Variants in HTRA3 observed in about 807,000 individuals in gnomAD.
The protein encoded by HTRA3 is serine protease HTRA3.
In HTRA3, 41 loss-of-function variants were observed where a neutral mutation model predicts 43.2. The observed-to-expected ratio is 0.95, with a 90% CI of 0.74 to 1.23. HTRA3 has a LOEUF of 1.23. Ranked by LOEUF, HTRA3 falls within the 50% of genes most tolerant of loss-of-function variation. The pLI is 0.00. For missense variants in HTRA3, 628 were observed against 647.1 expected (o/e 0.97, Z 0.32); for synonymous variants, 295 against 287.9 (o/e 1.02, Z -0.25).
Position 8,294,091 on chromosome 4 carries a change from G to C in HTRA3, c.941G>C (p.Gly314Ala). 1.2e-6 allele frequency: 2 copies of C among 1,607,448 alleles called. No individual in the cohort carries two copies. The highest frequency in any genetic ancestry group is 1.7e-6 in the Non-Finnish European group (2 of 1,176,656). The change falls in exon 6 of 9, where the codon GGC (glycine) becomes GCC (alanine). Residue 314 changes from glycine (G) to alanine (A), a missense_variant. By Grantham distance (60) the Gly-to-Ala change is moderately conservative. Coordinates refer to ENST00000307358, the MANE Select transcript of HTRA3 (RefSeq NM_053044.5). ...TGCTCTTACCTCCCTGCCCAGGATGGCGAGGTCATTGGCATCAACACGCTC... is the reference window on the plus strand; with the variant it reads ...TGCTCTTACCTCCCTGCCCAGGATGCCGAGGTCATTGGCATCAACACGCTC... ...NSGGPLVNLD[G>A]EVIGINTLKV... is the part of the protein sequence containing the mutation.
rs1314605311 is a variant in HTRA3 at position 8,291,533 on chromosome 4, T to C, written c.872T>C (p.Met291Thr). Reference protein sequence around the residue: ...GRELGLRDSDMDYIQTDAIIN... With the variant: ...GRELGLRDSDTDYIQTDAIIN... ...GAGCTGGGCCTCCGGGACTCCGACA[T>C]GGACTACATCCAGACGGATGCCATC... The change falls in exon 4 of 9, where the codon ATG becomes ACG. Residue 291 changes from methionine (M) to threonine (T), a missense_variant. Transcript: ENST00000307358. The C allele has an allele frequency of 6.2e-7, 1 of 1,609,248 alleles. No individual in the cohort carries two copies. The highest frequency in any genetic ancestry group is 8.5e-7 in the Non-Finnish European group (1 of 1,178,054).
rs948846519 is a variant in HTRA3, at chr4:8,283,686, G to A, written c.485+1150G>A. 1.4e-4 allele frequency among the ~76,000 whole-genome samples: 21 copies of A among 152,246 alleles called. 1 individual carries two copies. The highest frequency in any genetic ancestry group is 1.4e-3 in the Admixed American group (21 of 15,292). ...CCTCATTCCACCCTGATAGGGATCA[G>A]ACGGCGGGTCCAGGCGGACACGGAG... is the stretch of plus-strand genomic sequence containing the variant. On this transcript the variant is annotated intron_variant, in intron 2 of 8. Transcript: ENST00000307358.
In HTRA3 at chr4:8,270,284, G is replaced by T. The variant is rs1211356987; in HGVS notation, c.316G>T (p.Ala106Ser). 2.7e-6 allele frequency: 4 copies of T among 1,483,360 alleles called. No individual in the cohort carries two copies. In the South Asian group the frequency reaches 5.1e-5, roughly 19 times the overall value. The allele number at this position is 1,483,360 out of a possible 1,614,324, so 91.9% of individuals were successfully genotyped here. A position where few individuals can be genotyped will look rare whatever the true frequency, so the allele number is the denominator to read the frequency against. ...TGCCAACGTGTGCGCGCTGCAGGCGGCCAGCCGCCGCGCGCTGCAGCTCTC... is the reference window on the plus strand; with the variant it reads ...TGCCAACGTGTGCGCGCTGCAGGCGTCCAGCCGCCGCGCGCTGCAGCTCTC... ...TYANVCALQA[A>S]SRRALQLSGT... The change falls in exon 1 of 9, where the codon GCC becomes TCC. Residue 106 changes from alanine (A) to serine (S), a missense_variant. Transcript: ENST00000307358.
In HTRA3 at chr4:8,296,713, G is replaced by A. The variant is rs1713470354; in HGVS notation, c.1051+2512G>A. On this transcript the variant is annotated intron_variant, in intron 6 of 8. Transcript: ENST00000307358. This position sits in a 1 kb window ranked among gnomAD's most constrained non-coding sequence, Gnocchi z 5.3. Reference sequence around the variant, plus strand: ...GTGGGGTGTTTGATTCATGGAGTGGGGCCGTTTGTGGGCATCTGCCCCTCT... The same window carrying A: ...GTGGGGTGTTTGATTCATGGAGTGGAGCCGTTTGTGGGCATCTGCCCCTCT... Among the ~76,000 whole-genome samples the A allele has an allele frequency of 2.0e-5, 3 of 152,280 alleles. No individual in the cohort carries two copies. Among genetic ancestry groups the A allele is most frequent in the South Asian group, 2.1e-4 (1 of 4,824 alleles).
chr4:8,270,736 G>T (rs894793874), intron 1 of HTRA3, among the ~76,000 whole-genome samples: 1 of 152,196 alleles, frequency 6.6e-6, no homozygotes, highest in African/African-American at 2.4e-5. Flanking sequence ...TCCAGCCGGG[G>T]TGCCCTCTTG....
At chr4:8,303,521 A>G (rs1713733308) in intron 7 of HTRA3, among the ~76,000 whole-genome samples, 2 of 152,216 alleles carry the variant, frequency 1.3e-5, no homozygotes, top group African/African-American at 4.8e-5. Flanking sequence ...TCGGGAGCCT[A>G]GGAAGAACTC....
chr4:8,278,040 A>G (rs1461393121), intron 1 of HTRA3, among the ~76,000 whole-genome samples: 2 of 152,194 alleles, frequency 1.3e-5, no homozygotes, highest in Admixed American at 6.5e-5. Flanking sequence ...GGCCACTCTG[A>G]TATTTGTCAG....
intron 1 of HTRA3, among the ~76,000 whole-genome samples, chr4:8,271,719 G>A (rs573938549): frequency 1.3e-5 from 2 of 149,308 alleles, no homozygotes; most frequent in East Asian, 4.0e-4. Context: ...CGGCAGAAGT[G>A]CAGGCAGGGA....
At position 8,270,058 on chromosome 4, in the gene HTRA3, C is replaced by A; in HGVS notation, c.90C>A (p.Asp30Glu). Reference protein sequence around the residue: ...PPAAPCPARCDVSRCPSPRCP... With the variant: ...PPAAPCPARCEVSRCPSPRCP... ...CGGCGCCGTGTCCCGCGCGCTGCGA[C>A]GTGTCGCGGTGTCCCAGCCCCCGCT... Residue 30 changes from aspartate to glutamate, a missense_variant, in exon 1 of 9, where the codon GAC (aspartate) becomes GAA (glutamate). By Grantham distance (45) the Asp-to-Glu change is conservative. Transcript: ENST00000307358. 1 of 1,479,894 alleles carries A rather than the reference C, an allele frequency of 6.8e-7. No individual in the cohort carries two copies. The highest frequency in any genetic ancestry group is 8.9e-7 in the Non-Finnish European group (1 of 1,123,910). The allele number at this position is 1,479,894 out of a possible 1,614,324, so 91.7% of individuals were successfully genotyped here.
At chr4:8,300,955 C>G (rs1042000735) in intron 6 of HTRA3, among the ~76,000 whole-genome samples, 1 of 151,242 alleles carries the variant, frequency 6.6e-6, no homozygotes, top group African/African-American at 2.4e-5. Context: ...GATTCACACT[C>G]AGCTTTATTA....
rs773106009 is a variant in HTRA3, at chr4:8,286,674, C to T, written c.599C>T (p.Pro200Leu). ...GTGGTGTCCAGCAACAGTGCTGCCC[C>T]GGGCAGGCAGCAGCTCAAGGTGCAG... ...AHVVSSNSAAPGRQQLKVQLQ... is the reference protein window; with the variant it reads ...AHVVSSNSAALGRQQLKVQLQ... The change falls in exon 3 of 9, where the codon CCG (proline) becomes CTG (leucine). Residue 200 changes from proline (P) to leucine (L), a missense_variant. Coordinates refer to ENST00000307358, the MANE Select transcript of HTRA3 (RefSeq NM_053044.5). This position sits in a 1 kb window ranked among gnomAD's most constrained non-coding sequence, Gnocchi z 4.9. 2.4e-5 allele frequency: 39 copies of T among 1,613,684 alleles called. No individual in the cohort carries two copies. The highest frequency in any genetic ancestry group is 3.3e-4 in the Middle Eastern group (2 of 6,084).
chr4:8,271,242 C>T lies in HTRA3; in HGVS notation c.385+889C>T, dbSNP rs537881290. Among the ~76,000 whole-genome samples the T allele has an allele frequency of 6.0e-4, 92 of 152,236 alleles. 1 individual carries two copies. Among genetic ancestry groups the T allele is most frequent in the Admixed American group, 5.8e-3 (89 of 15,306 alleles). On this transcript the variant is annotated intron_variant, in intron 1 of 8. Transcript: ENST00000307358. Reference sequence around the variant, plus strand: ...GGGCTTCCTCATTTTTTCTGCGGTCCGCTGAACACAATTCCAAGTGTTTTC... The same window carrying T: ...GGGCTTCCTCATTTTTTCTGCGGTCTGCTGAACACAATTCCAAGTGTTTTC...
chr4:8,285,911 G>A (rs556926704), intron 2 of HTRA3, among the ~76,000 whole-genome samples: 41 of 152,278 alleles, frequency 2.7e-4, no homozygotes, highest in Non-Finnish European at 5.0e-4. Context: ...GAGGGTAGAG[G>A]GAGGTGGGAA....
In HTRA3 at chr4:8,295,839, T is replaced by G. The variant is rs940545939; in HGVS notation, c.1051+1638T>G. On this transcript the variant is annotated intron_variant, in intron 6 of 8. Coordinates refer to ENST00000307358, the MANE Select transcript of HTRA3 (RefSeq NM_053044.5). This position sits in a 1 kb window ranked among gnomAD's most constrained non-coding sequence, Gnocchi z 6.9. ...TCACATGAAGAGCTGCTGTTGAGGATGCCGCCATTGTTCTTCTGTGTCCAT... is the reference window on the plus strand; with the variant it reads ...TCACATGAAGAGCTGCTGTTGAGGAGGCCGCCATTGTTCTTCTGTGTCCAT... 4.2e-5 allele frequency: 52 copies of G among 1,238,750 alleles called. No homozygotes were observed. The highest frequency in any genetic ancestry group is 4.7e-5 in the Non-Finnish European group (47 of 990,282). 76.7% of individuals were successfully genotyped at this position (1,238,750 alleles called of 1,614,324 possible).
intron 3 of HTRA3, 115 bp from the exon 4 acceptor site, chr4:8,291,255 T>C: frequency 1.1e-6 from 1 of 894,964 alleles, no homozygotes. Flanking sequence ...TCCTGGTGGC[T>C]TTGCACAGAT....
In HTRA3 at chr4:8,270,108, T is replaced by A; in HGVS notation, c.140T>A (p.Leu47His). Reference sequence around the variant, plus strand: ...TGCCCCGGCGGCTACGTGCCCGACCTCTGCAACTGCTGCCTGGTGTGCGCC... The same window carrying A: ...TGCCCCGGCGGCTACGTGCCCGACCACTGCAACTGCTGCCTGGTGTGCGCC... ...PRCPGGYVPD[L>H]CNCCLVCAAS... The change falls in exon 1 of 9, where the codon CTC becomes CAC. Residue 47 changes from leucine to histidine, a missense_variant. Leu to His is a moderately conservative substitution (Grantham distance 99). Transcript: ENST00000307358. The A allele has an allele frequency of 6.5e-7, 1 of 1,541,472 alleles. No homozygotes were observed.
In HTRA3 at chr4:8,292,450, C is replaced by T. The variant is rs1006794503; in HGVS notation, c.936+97C>T. 14 of 1,018,666 alleles carry T rather than the reference C, an allele frequency of 1.4e-5. No homozygotes were observed. The African/African-American group carries it at 2.1e-4, about 15-fold the overall frequency. The allele number at this position is 1,018,666 out of a possible 1,614,324, so 63.1% of individuals were successfully genotyped here. A position where few individuals can be genotyped will look rare whatever the true frequency, so the allele number is the denominator to read the frequency against. On this transcript the variant is annotated intron_variant, in intron 5 of 8. Coordinates refer to ENST00000307358, the MANE Select transcript of HTRA3 (RefSeq NM_053044.5). The stretch of plus-strand genomic sequence containing the variant: ...GGTGGGACAGGGCCCACAATATGGT[C>T]CTAGAACATTTACACCAACAGTCGG...
chr4:8,277,783 G>A (rs11733787), intron 1 of HTRA3, among the ~76,000 whole-genome samples: 47,437 of 151,966 alleles, frequency 0.31, 8,394 homozygotes, highest in Non-Finnish European at 0.4. Flanking sequence ...CATGGTCACC[G>A]TTATGGACAG....
In HTRA3 at chr4:8,302,621, C is replaced by T. The variant is rs562538785; in HGVS notation, c.1100+110C>T. On this transcript the variant is annotated intron_variant, in intron 7 of 8. Transcript: ENST00000307358. ...GTTCGGCTCCTTGCAGGTGCCCAGA[C>T]GGGCCGATGCACTCAGGCCTCTGAC... 170 of 979,240 alleles carry T rather than the reference C, an allele frequency of 1.7e-4. 2 individuals are homozygous for T. The highest frequency in any genetic ancestry group is 2.3e-4 in the Non-Finnish European group (142 of 611,540). The allele number at this position is 979,240 out of a possible 1,614,324, so 60.7% of individuals were successfully genotyped here. A position where few individuals can be genotyped will look rare whatever the true frequency, so the allele number is the denominator to read the frequency against.
Sources: allele counts gnomAD v4.1 joint callset (sites outside exome capture counted in the v4.1 genomes callset), GRCh38; gene constraint gnomAD v4.1.1; non-coding constraint Gnocchi (gnomAD v3.1); transcripts MANE v1.5; gene names NCBI Gene and HGNC (gene_info 2026-07-23, HGNC 2026-07-21).